The following CDH18 variants were observed in gnomAD, a reference collection of about 807,000 sequenced individuals.
The protein encoded by CDH18 is cadherin 18.
Under a neutral mutation model 67.9 loss-of-function variants are expected in CDH18, and 31 were observed. The ratio of observed to expected loss-of-function variants is 0.46; its 90% CI spans 0.34 to 0.62. CDH18 has a LOEUF of 0.62. CDH18 is among the 20% of genes least tolerant of loss of function. The pLI is 0.01. For synonymous variants in CDH18, 362 were observed against 347.2 expected (o/e 1.04, Z -0.48); for missense variants, 890 against 975.5 (o/e 0.91, Z 1.17).
chr5:20,018,796 A>G (rs1456311401), intron 2 of CDH18, among the ~76,000 whole-genome samples: 2 of 129,408 alleles, frequency 1.5e-5, no homozygotes, highest in East Asian at 6.3e-4. Context: ...AGAATAAGGC[A>G]TTCTTTTTTT....
At chr5:19,486,956 C>T (rs1740503758) in intron 11 of CDH18, among the ~76,000 whole-genome samples, 2 of 152,122 alleles carry the variant, frequency 1.3e-5, no homozygotes, top group African/African-American at 4.8e-5. Context: ...ATAATGTGCA[C>T]CATAGCTGGG....
intron 1 of CDH18, among the ~76,000 whole-genome samples, chr5:20,361,514 A>T (rs1742085569): frequency 6.6e-6 from 1 of 152,104 alleles, no homozygotes. Flanking sequence ...CATAAAAACT[A>T]TAAATGTATT....
intron 2 of CDH18, among the ~76,000 whole-genome samples, chr5:20,190,614 C>T (rs374452284): frequency 4.1e-4 from 62 of 152,086 alleles, no homozygotes; most frequent in Non-Finnish European, 7.4e-4. Flanking sequence ...TAGATTGTAT[C>T]GAGCCTCTAA....
intron 5 of CDH18, among the ~76,000 whole-genome samples, chr5:19,655,016 G>A (rs1291220706): frequency 6.6e-6 from 1 of 152,198 alleles, no homozygotes; most frequent in East Asian, 1.9e-4. Flanking sequence ...GGATAGGGGG[G>A]TGTGGCAGGC....
chr5:20,435,364 T>G (rs2150182160), intron 1 of CDH18, among the ~76,000 whole-genome samples: 1 of 152,172 alleles, frequency 6.6e-6, no homozygotes, highest in Middle Eastern at 3.4e-3. Context: ...GTTAATAAGC[T>G]GCATGAACAA....
chr5:19,991,316 G>A (rs1289015343), upstream of CDH18, among the ~76,000 whole-genome samples: 1 of 152,086 alleles, frequency 6.6e-6, no homozygotes. Flanking sequence ...CTCATTAACA[G>A]CTTTATTGAG....
intron 1 of CDH18, among the ~76,000 whole-genome samples, chr5:20,266,466 C>T (rs1008100746): frequency 6.6e-6 from 1 of 151,420 alleles, no homozygotes; most frequent in Non-Finnish European, 1.5e-5. Flanking sequence ...TACAGTGGTG[C>T]GATTTCACCT....
At chr5:20,507,331 GA>G (rs1754720305) in intron 1 of CDH18, among the ~76,000 whole-genome samples, 1 of 152,164 alleles carries the variant, frequency 6.6e-6, no homozygotes, top group Non-Finnish European at 1.5e-5. Flanking sequence ...CCCCAGTGTT[GA>G]AAAGGGCAAT....
chr5:20,351,191 T>TGTGTGTGTGC (rs1420969028), intron 1 of CDH18, among the ~76,000 whole-genome samples: 5,609 of 148,676 alleles, frequency 0.038, 323 homozygotes, highest in East Asian at 0.27. Flanking sequence ...TGTGTGTGTG[T>TGTGTGTGTGC]GCGTGTGTGT....
At chr5:19,560,629 A>G (rs973343950) in intron 8 of CDH18, among the ~76,000 whole-genome samples, 1 of 152,116 alleles carries the variant, frequency 6.6e-6, no homozygotes, top group African/African-American at 2.4e-5. Context: ...AAGAATCAAA[A>G]AGCAAACACA....
At chr5:20,386,711 T>A (rs1744339666) in intron 1 of CDH18, among the ~76,000 whole-genome samples, 1 of 152,142 alleles carries the variant, frequency 6.6e-6, no homozygotes, top group Non-Finnish European at 1.5e-5. Flanking sequence ...TTATAATAAT[T>A]TGATATTATA....
chr5:20,557,589 G>A (rs1757974122), intron 1 of CDH18, among the ~76,000 whole-genome samples: 1 of 151,808 alleles, frequency 6.6e-6, no homozygotes, highest in Admixed American at 6.6e-5. Context: ...AACTAAATAT[G>A]GATCATTGTG....
chr5:20,220,266 T>G (rs1394721667), intron 2 of CDH18, among the ~76,000 whole-genome samples: 1 of 151,942 alleles, frequency 6.6e-6, no homozygotes, highest in East Asian at 1.9e-4. Flanking sequence ...AATGTAGTGA[T>G]ATAAAAACAG....
intron 1 of CDH18, among the ~76,000 whole-genome samples, chr5:20,482,987 A>G (rs571898258): frequency 6.6e-6 from 1 of 152,192 alleles, no homozygotes; most frequent in Admixed American, 6.5e-5. Context: ...GAAAGGAGTC[A>G]AATTATCCTT....
At chr5:20,116,969 C>T (rs1173007042) in intron 2 of CDH18, among the ~76,000 whole-genome samples, 1 of 151,754 alleles carries the variant, frequency 6.6e-6, no homozygotes, top group African/African-American at 2.4e-5. Flanking sequence ...TTACCCATGC[C>T]TAGATTTTAC....
chr5:20,275,818 T>G (rs1181725207), intron 1 of CDH18, among the ~76,000 whole-genome samples: 1 of 152,164 alleles, frequency 6.6e-6, no homozygotes. Context: ...AGTCTTGAAT[T>G]GCTCCTATCT....
At chr5:20,223,377 A>C (rs571373375) in intron 2 of CDH18, among the ~76,000 whole-genome samples, 1 of 152,110 alleles carries the variant, frequency 6.6e-6, no homozygotes, top group South Asian at 2.1e-4. Flanking sequence ...CCCTCATTGT[A>C]TCTAGGAAGT....
chr5:20,312,866 C>T (rs540539301), intron 1 of CDH18, among the ~76,000 whole-genome samples: 2 of 151,894 alleles, frequency 1.3e-5, no homozygotes, highest in Non-Finnish European at 2.9e-5. Flanking sequence ...AGCCATTTTC[C>T]TGTCATTTGT....
chr5:19,744,245 G>C (rs923910518), intron 4 of CDH18, among the ~76,000 whole-genome samples: 1 of 152,000 alleles, frequency 6.6e-6, no homozygotes, highest in Non-Finnish European at 1.5e-5. Context: ...ACTCTGTCTT[G>C]TTCTTTTTCT....
Sources: allele counts gnomAD v4.1 joint callset (sites outside exome capture counted in the v4.1 genomes callset), GRCh38; gene constraint gnomAD v4.1.1; transcripts MANE v1.5; gene names NCBI Gene and HGNC (gene_info 2026-07-23, HGNC 2026-07-21).